CLSTN1: variants seen among roughly 807,000 people sequenced by gnomAD.
CLSTN1 encodes calsyntenin-1.
A neutral mutation model predicts 108.3 loss-of-function variants in CLSTN1; 28 were observed. The ratio of observed to expected loss-of-function variants is 0.26; its 90% confidence interval spans 0.19 to 0.35. The LOEUF is 0.35. CLSTN1 is among the 10% of genes least tolerant of loss of function. The pLI is 1.00. For synonymous variants in CLSTN1, 524 were observed against 534.9 expected (o/e 0.98, Z 0.28); for missense variants, 1,157 against 1,302.6 (o/e 0.89, Z 1.72).
At chr1:9,751,389 C>G (rs550961982) in intron 5 of CLSTN1, 84 bp downstream of exon 5, 17 of 1,326,924 alleles carry the variant, frequency 1.3e-5, no homozygotes, top group Non-Finnish European at 1.7e-5. Flanking sequence ...GAAGTTCTGA[C>G]GAAGCACAGA....
At chr1:9,816,970 A>G (rs1654998909) in intron 1 of CLSTN1, among the ~76,000 whole-genome samples, 1 of 152,100 alleles carries the variant, frequency 6.6e-6, no homozygotes, top group Non-Finnish European at 1.5e-5. Flanking sequence ...TGTCCTACAC[A>G]ATGACTCAGA....
intron 7 of CLSTN1, among the ~76,000 whole-genome samples, chr1:9,746,029 A>G (rs900037064): frequency 6.6e-6 from 1 of 151,930 alleles, no homozygotes; most frequent in Non-Finnish European, 1.5e-5. Context: ...CAGACTCCCA[A>G]AGTGCTGGGA....
chr1:9,773,195 A>G (rs1652772604), intron 2 of CLSTN1, 77 bp downstream of exon 2: 4 of 1,588,844 alleles, frequency 2.5e-6, no homozygotes, highest in Non-Finnish European at 3.4e-6. Context: ...AACGCTCAGC[A>G]TTACCCAAAT....
intron 10 of CLSTN1, 123 bp downstream of exon 10, chr1:9,740,971 G>T: frequency 9.2e-7 from 1 of 1,092,186 alleles, no homozygotes; most frequent in Non-Finnish European, 1.3e-6. Flanking sequence ...ACAGGAAATG[G>T]AAGGAAAAGA....
chr1:9,787,802 A>G lies in CLSTN1; in HGVS notation c.92-14408T>C, dbSNP rs142886529. 2.6e-3 allele frequency among the ~76,000 whole-genome samples: 388 copies of G among 151,482 alleles called. 3 individuals carry two copies. Among genetic ancestry groups the G allele is most frequent in the African/African-American group, 8.8e-3 (367 of 41,512 alleles). ...TGTACAGGCCAATAGCATTAAGTAC[A>G]TTCACACTGTCATCCAACCGTCACC... On this transcript the variant is annotated intron_variant, in intron 1 of 18. Transcript: ENST00000377298.
intron 1 of CLSTN1, among the ~76,000 whole-genome samples, chr1:9,799,595 C>T (rs1451139301): frequency 2.7e-5 from 4 of 150,230 alleles, no homozygotes; most frequent in Admixed American, 1.3e-4. Flanking sequence ...GAGCCGATAT[C>T]GCGCCACTGC....
intron 1 of CLSTN1, among the ~76,000 whole-genome samples, chr1:9,808,004 G>T (rs1018604044): frequency 6.6e-6 from 1 of 152,192 alleles, no homozygotes; most frequent in Non-Finnish European, 1.5e-5. Context: ...GAATCCTGCG[G>T]CGCTGCCACT....
At position 9,741,276 on chromosome 1, in the gene CLSTN1, C is replaced by T. The variant is rs367859976; in HGVS notation, c.1357-20G>A. 529 of 1,592,204 alleles carry T rather than the reference C, an allele frequency of 3.3e-4. No homozygotes were observed. Among genetic ancestry groups the T allele is most frequent in the Non-Finnish European group, 4.3e-4 (504 of 1,162,370 alleles). ...ACAGACCTACAGAGGCAAAGGGAAGCGGGGAGGTGTGAGATGTCCACTTTC... is the reference window on the plus strand; with the variant it reads ...ACAGACCTACAGAGGCAAAGGGAAGTGGGGAGGTGTGAGATGTCCACTTTC... On this transcript the variant is annotated intron_variant, in intron 9 of 18. Transcript: ENST00000377298.
chr1:9,817,161 G>A (rs1313476291), intron 1 of CLSTN1, among the ~76,000 whole-genome samples: 1 of 152,164 alleles, frequency 6.6e-6, no homozygotes, highest in Non-Finnish European at 1.5e-5. Flanking sequence ...GAGTCCAGGA[G>A]TTCGAGACCA....
intron 7 of CLSTN1, among the ~76,000 whole-genome samples, chr1:9,745,154 G>A (rs1203945020): frequency 1.3e-5 from 2 of 151,212 alleles, no homozygotes; most frequent in South Asian, 2.1e-4. Flanking sequence ...GCGTGAACCC[G>A]GGAAGCGGAG....
chr1:9,814,440 A>AT (rs1654891732), intron 1 of CLSTN1, among the ~76,000 whole-genome samples: 1 of 152,104 alleles, frequency 6.6e-6, no homozygotes, highest in Non-Finnish European at 1.5e-5. Flanking sequence ...GAAGATATTC[A>AT]TTTTTACTGA....
At chr1:9,811,880 G>A (rs1256188231) in intron 1 of CLSTN1, among the ~76,000 whole-genome samples, 1 of 152,170 alleles carries the variant, frequency 6.6e-6, no homozygotes, top group Non-Finnish European at 1.5e-5. Context: ...GCTCACGCCT[G>A]TAATCACAGC....
chr1:9,814,420 T>C (rs1049275197), intron 1 of CLSTN1, among the ~76,000 whole-genome samples: 3 of 152,052 alleles, frequency 2.0e-5, no homozygotes, highest in African/African-American at 7.2e-5. Context: ...ACTTTAAGTA[T>C]GTAAACAAAG....
chr1:9,744,730 T>C, intron 7 of CLSTN1, 87 bp from the exon 8 acceptor site: 1 of 1,409,020 alleles, frequency 7.1e-7, no homozygotes, highest in Non-Finnish European at 9.4e-7. Context: ...TGTCTTACAC[T>C]TAGGCAATCT....
intron 10 of CLSTN1, among the ~76,000 whole-genome samples, chr1:9,739,800 G>A (rs2101087113): frequency 6.6e-6 from 1 of 151,340 alleles, no homozygotes; most frequent in East Asian, 1.9e-4. Flanking sequence ...GCTCGGGCTG[G>A]AGTGCAATAG....
At chr1:9,812,859 A>AC (rs897113649) in intron 1 of CLSTN1, among the ~76,000 whole-genome samples, 42 of 151,098 alleles carry the variant, frequency 2.8e-4, no homozygotes, top group African/African-American at 9.0e-4. Context: ...AAAAAAAAAA[A>AC]AAAAAACAAA....
At chr1:9,771,921 A>T (rs1007415215) in intron 2 of CLSTN1, among the ~76,000 whole-genome samples, 3 of 150,716 alleles carry the variant, frequency 2.0e-5, no homozygotes, top group Non-Finnish European at 2.9e-5. Flanking sequence ...TAAAATTAAC[A>T]TATGTTTCAT....
At chr1:9,735,314 G>T in intron 13 of CLSTN1, 140 bp from the exon 14 acceptor site, 1 of 1,366,188 alleles carries the variant, frequency 7.3e-7, no homozygotes, top group South Asian at 1.2e-5. Context: ...TTGCAAACAA[G>T]ATGCGTAAAT....
intron 5 of CLSTN1, 170 bp from the exon 6 acceptor site, chr1:9,750,083 C>T: frequency 1.7e-6 from 1 of 592,576 alleles, no homozygotes; most frequent in South Asian, 2.0e-5. Flanking sequence ...TGAGCCCTAA[C>T]ACGCACTAAA....
Sources: allele counts gnomAD v4.1 joint callset (sites outside exome capture counted in the v4.1 genomes callset), GRCh38; gene constraint gnomAD v4.1.1; transcripts MANE v1.5; gene names NCBI Gene and HGNC (gene_info 2026-07-23, HGNC 2026-07-21).